TPX2: variants seen among roughly 807,000 people sequenced by gnomAD.
The protein encoded by TPX2 is TPX2 microtubule nucleation factor.
Under a neutral mutation model 93.6 loss-of-function variants are expected in TPX2, and 21 were observed. The ratio of observed to expected loss-of-function variants is 0.22; its 90% CI spans 0.16 to 0.32. TPX2 has a LOEUF of 0.32. TPX2 is among the 10% of genes least tolerant of loss of function. TPX2 has a pLI of 1.00. For missense variants in TPX2, 776 were observed against 871.1 expected, an observed-to-expected ratio of 0.89 and a Z score of 1.37; for synonymous variants, 281 against 298.3, an observed-to-expected ratio of 0.94 and a Z score of 0.60.
Position 31,769,146 on chromosome 20 carries a change from G to A in TPX2, c.357-1197G>A, listed in dbSNP as rs562378271. On this transcript the variant is annotated intron_variant, in intron 5 of 17. Transcript: ENST00000300403. ...GGTGCAGCACACCAGCATGGCACATGTATACATATGTAACTAACCTGCCCA... is the reference window on the plus strand; with the variant it reads ...GGTGCAGCACACCAGCATGGCACATATATACATATGTAACTAACCTGCCCA... Among the ~76,000 whole-genome samples the A allele has an allele frequency of 4.0e-5, 6 of 151,630 alleles. 1 individual carries two copies. Among genetic ancestry groups the A allele is most frequent in the African/African-American group, 1.2e-4 (5 of 41,354 alleles).
chr20:31,743,968 G>A (rs951140587), intron 2 of TPX2, among the ~76,000 whole-genome samples: 6 of 151,490 alleles, frequency 4.0e-5, no homozygotes, highest in Admixed American at 6.6e-5. Flanking sequence ...TGATCTGCCC[G>A]CCTCTGCCTC....
intron 7 of TPX2, among the ~76,000 whole-genome samples, chr20:31,775,408 G>A (rs866043248): frequency 7.4e-5 from 11 of 148,820 alleles, no homozygotes; most frequent in African/African-American, 2.5e-4. Flanking sequence ...ATGGAGTCTC[G>A]CTCTGTGGCC....
chr20:31,791,347 G>A (rs1600392067), intron 12 of TPX2, among the ~76,000 whole-genome samples: 1 of 152,122 alleles, frequency 6.6e-6, no homozygotes, highest in African/African-American at 2.4e-5. Context: ...GCAGTGGTGC[G>A]ATCTTGGCTC....
At chr20:31,762,088 C>T (rs899119418) in intron 4 of TPX2, among the ~76,000 whole-genome samples, 7 of 151,966 alleles carry the variant, frequency 4.6e-5, no homozygotes, top group African/African-American at 1.5e-4. Flanking sequence ...CTCATTTGTC[C>T]GGCTGTTGAG....
intron 15 of TPX2, among the ~76,000 whole-genome samples, chr20:31,796,321 T>C (rs59590235): frequency 0.03 from 4,640 of 152,262 alleles, 203 homozygotes; most frequent in African/African-American, 0.093. Context: ...ACATCCCTTT[T>C]CATCCAAAAA....
chr20:31,763,009 T>C lies in TPX2; in HGVS notation c.229+2830T>C, dbSNP rs559475899. Among the ~76,000 whole-genome samples the C allele has an allele frequency of 1.2e-3, 176 of 152,318 alleles. 1 individual carries two copies. Among genetic ancestry groups the C allele is most frequent in the African/African-American group, 4.2e-3 (173 of 41,582 alleles). ...AATACGTGGATTTTTTCCTGGGTTCTCTATCCTATTCCATTTGTCTGTGTG... is the reference window on the plus strand; with the variant it reads ...AATACGTGGATTTTTTCCTGGGTTCCCTATCCTATTCCATTTGTCTGTGTG... On this transcript the variant is annotated intron_variant, in intron 4 of 17. Coordinates refer to ENST00000300403, the MANE Select transcript of TPX2 (RefSeq NM_012112.5).
Position 31,792,531 on chromosome 20 carries a change from G to A in TPX2, c.1414-204G>A, listed in dbSNP as rs374708226. On this transcript the variant is annotated intron_variant, in intron 12 of 17. Coordinates refer to ENST00000300403, the MANE Select transcript of TPX2 (RefSeq NM_012112.5). ...TAAAAACTCAAAAATATCATTCTAGGCCATGTGCAGTGGCTCACACCTGTA... is the reference window on the plus strand; with the variant it reads ...TAAAAACTCAAAAATATCATTCTAGACCATGTGCAGTGGCTCACACCTGTA... Among the ~76,000 whole-genome samples the A allele has an allele frequency of 6.5e-4, 99 of 151,872 alleles. No individual in the cohort carries two copies. In the South Asian group the frequency reaches 0.02, roughly 30 times the overall value.
At chr20:31,761,695 A>G (rs1269890991) in intron 4 of TPX2, among the ~76,000 whole-genome samples, 1 of 152,246 alleles carries the variant, frequency 6.6e-6, no homozygotes, top group Non-Finnish European at 1.5e-5. Context: ...TATTGTGAAT[A>G]GTGCTGTAAT....
At chr20:31,783,038 G>A (rs1172559201) in intron 11 of TPX2, among the ~76,000 whole-genome samples, 7 of 152,068 alleles carry the variant, frequency 4.6e-5, no homozygotes, top group Admixed American at 4.6e-4. Flanking sequence ...GACTCCCCAA[G>A]GGATTGTTAC....
chr20:31,777,523 A>G lies in TPX2; in HGVS notation c.767A>G (p.Lys256Arg). The G allele has an allele frequency of 1.2e-6, 2 of 1,614,100 alleles. No individual in the cohort carries two copies. Among genetic ancestry groups the G allele is most frequent in the South Asian group, 2.2e-5 (2 of 91,062 alleles). ...PVKKSVSQVT[K>R]SVDFHFRTDE... ...AAGAAATCAGTGAGCCAGGTCACCA[A>G]ATCAGTTGACTTCCACTTCCGCACA... Residue 256 changes from lysine to arginine, a missense_variant, in exon 9 of 18, where the codon AAA becomes AGA. Physicochemically the swap from Lys to Arg is conservative, Grantham distance 26. Transcript: ENST00000300403.
intron 3 of TPX2, among the ~76,000 whole-genome samples, chr20:31,757,967 C>T (rs2061861938): frequency 6.6e-6 from 1 of 152,068 alleles, no homozygotes; most frequent in Non-Finnish European, 1.5e-5. Flanking sequence ...TTCATACAAT[C>T]TACCAGTTTT....
At chr20:31,766,808 T>C (rs539119529) in intron 5 of TPX2, 126 bp downstream of exon 5, 1 of 1,123,112 alleles carries the variant, frequency 8.9e-7, no homozygotes, top group East Asian at 2.9e-5. Flanking sequence ...TTTTTTTTTT[T>C]TTTTTTTTGA....
intron 15 of TPX2, among the ~76,000 whole-genome samples, chr20:31,796,955 A>G (rs1283225384): frequency 2.0e-5 from 3 of 151,998 alleles, no homozygotes; most frequent in Admixed American, 1.3e-4. Context: ...TAGCATATCC[A>G]TAATCTCAAA....
chr20:31,760,770 G>C (rs956063197), intron 4 of TPX2, among the ~76,000 whole-genome samples: 1 of 152,178 alleles, frequency 6.6e-6, no homozygotes, highest in Non-Finnish European at 1.5e-5. Context: ...AAAGAAGACT[G>C]TACTGCTTGC....
At chr20:31,739,978 T>G (rs928172877) in intron 1 of TPX2, among the ~76,000 whole-genome samples, 1 of 152,226 alleles carries the variant, frequency 6.6e-6, no homozygotes, top group African/African-American at 2.4e-5. Context: ...CACTTGGAGT[T>G]GTCTTCTATT....
chr20:31,797,130 CTAAAAA>C (rs2062143654), intron 15 of TPX2, among the ~76,000 whole-genome samples: 1 of 148,502 alleles, frequency 6.7e-6, no homozygotes, highest in South Asian at 2.1e-4. Flanking sequence ...TGAACATAAA[CTAAAAA>C]GAAAAAAAAA....
In TPX2 at chr20:31,739,399, C is replaced by G. The variant is rs1261091318; in HGVS notation, c.-400C>G. ...CAGCTAGGGCGCGGGTCTCCCTCCT[C>G]CCGGAGTTTGGAACGGCTGAAGTTC... On this transcript the variant is annotated 5_prime_UTR_variant, in exon 1 of 18. Coordinates refer to ENST00000300403, the MANE Select transcript of TPX2 (RefSeq NM_012112.5). 1 of 152,256 alleles carries G rather than the reference C, an allele frequency of 6.6e-6. No homozygotes were observed. Among genetic ancestry groups the G allele is most frequent in the African/African-American group, 2.4e-5 (1 of 41,468 alleles). 9.4% of individuals were successfully genotyped at this position (152,256 alleles called of 1,614,324 possible).
chr20:31,784,356 G>C (rs910684645), intron 12 of TPX2, among the ~76,000 whole-genome samples: 12 of 152,184 alleles, frequency 7.9e-5, no homozygotes, highest in African/African-American at 2.7e-4. Flanking sequence ...TAGCCCATTA[G>C]TTTTGACAAC....
In TPX2 at chr20:31,757,461, C is replaced by A; in HGVS notation, c.-16C>A. Reference sequence around the variant, plus strand: ...ATACTGGGAAAAACCTGCTCTTCTGCGTTAAGTGGGAGACAATGTCACAAG... The same window carrying A: ...ATACTGGGAAAAACCTGCTCTTCTGAGTTAAGTGGGAGACAATGTCACAAG... On this transcript the variant is annotated 5_prime_UTR_variant, in exon 3 of 18. Transcript: ENST00000300403. 1 of 1,604,930 alleles carries A rather than the reference C, an allele frequency of 6.2e-7. No homozygotes were observed. The highest frequency in any genetic ancestry group is 8.5e-7 in the Non-Finnish European group (1 of 1,172,608).
Sources: allele counts gnomAD v4.1 joint callset (sites outside exome capture counted in the v4.1 genomes callset), GRCh38; gene constraint gnomAD v4.1.1; transcripts MANE v1.5; gene names NCBI Gene and HGNC (gene_info 2026-07-23, HGNC 2026-07-21).